Variants in MYOM3 observed in about 807,000 individuals in gnomAD.
The protein encoded by MYOM3 is myomesin 3, also known as myomesin-3.
Under a neutral mutation model 191.7 loss-of-function variants are expected in MYOM3, and 155 were observed. The observed-to-expected ratio is 0.81, with a 90% CI of 0.71 to 0.92. MYOM3 has a LOEUF of 0.92. Ranked by LOEUF, MYOM3 falls within the 40% of genes least tolerant of loss-of-function variation. The pLI is 0.00. For missense variants in MYOM3, 1,889 were observed against 1,890.6 expected, an observed-to-expected ratio of 1.00 and a Z score of 0.02; for synonymous variants, 757 against 762.9, an observed-to-expected ratio of 0.99 and a Z score of 0.13.
intron 4 of MYOM3, among the ~76,000 whole-genome samples, chr1:24,106,613 C>T (rs1643985381): frequency 6.6e-6 from 1 of 152,158 alleles, no homozygotes; most frequent in Non-Finnish European, 1.5e-5. Context: ...GGTGGAGTCT[C>T]ACTCTGTAGC....
chr1:24,084,520 C>T lies in MYOM3; in HGVS notation c.1918G>A (p.Val640Met). The T allele has an allele frequency of 3.7e-6, 6 of 1,614,190 alleles. No homozygotes were observed. Among genetic ancestry groups the T allele is most frequent in the Non-Finnish European group, 5.1e-6 (6 of 1,180,054 alleles). Residue 640 changes from valine to methionine, a missense_variant, in exon 16 of 37, where the codon GTG becomes ATG. Transcript: ENST00000374434. ...LLGYYIYSRK[V>M]GTSEWQTVNN... ...ACTGTTTGCCACTCAGATGTCCCCA[C>T]CTTCCGGGAGTAGATGTAATAACCC...
intron 5 of MYOM3, among the ~76,000 whole-genome samples, chr1:24,102,807 C>T (rs1643948051): frequency 6.6e-6 from 1 of 152,124 alleles, no homozygotes; most frequent in African/African-American, 2.4e-5. Flanking sequence ...GACTGCACCA[C>T]TGCACTCCAG....
At position 24,094,969 on chromosome 1, in the gene MYOM3, A is replaced by G. The variant is rs1274154603; in HGVS notation, c.812T>C (p.Val271Ala). ...TGGCTTCAGCACCGAGGTGAATTCCACGCTGGGGCCAAACGTCGATCCTGG... is the reference window on the plus strand; with the variant it reads ...TGGCTTCAGCACCGAGGTGAATTCCGCGCTGGGGCCAAACGTCGATCCTGG... ...IFKRSTFGPSVEFTSVLKPVF... is the reference protein window; with the variant it reads ...IFKRSTFGPSAEFTSVLKPVF... The change falls in exon 9 of 37, where the codon GTG becomes GCG. Residue 271 changes from valine to alanine, a missense_variant. Transcript: ENST00000374434. The G allele has an allele frequency of 1.2e-6, 2 of 1,613,332 alleles. No homozygotes were observed. The highest frequency in any genetic ancestry group is 2.7e-5 in the African/African-American group (2 of 74,876).
At chr1:24,071,919 TG>T in intron 24 of MYOM3, 49 bp downstream of exon 24, 1 of 1,589,482 alleles carries the variant, frequency 6.3e-7, no homozygotes, top group Non-Finnish European at 8.6e-7. Flanking sequence ...AACATGCCAA[TG>T]GGCCCAGTGG....
chr1:24,066,818 A>G, intron 28 of MYOM3: 1 of 549,568 alleles, frequency 1.8e-6, no homozygotes, highest in South Asian at 2.7e-5. Flanking sequence ...CCTCACACGA[A>G]TCCTACCCCA....
At chr1:24,094,209 T>C (rs1643866648) in intron 9 of MYOM3, among the ~76,000 whole-genome samples, 1 of 143,706 alleles carries the variant, frequency 7.0e-6, no homozygotes, top group Non-Finnish European at 1.5e-5. Flanking sequence ...CTTGCTCTTG[T>C]CCCCCAGGCT....
rs528181110 is a variant in MYOM3 at position 24,067,978 on chromosome 1, C to T, written c.3347G>A (p.Arg1116Lys). 1.9e-6 allele frequency: 3 copies of T among 1,614,074 alleles called. No homozygotes were observed. Among genetic ancestry groups the T allele is most frequent in the Non-Finnish European group, 2.5e-6 (3 of 1,180,008 alleles). ...KADAKRRDWK[R>K]KQGPYFERPL... ...ACCCCAGCAGCTCTTACCCTGTTTT[C>T]TCTTCCAGTCCCTTCTCTTAGCATC... The change falls in exon 27 of 37, where the codon AGA (arginine) becomes AAA (lysine). Residue 1116 changes from arginine (R) to lysine (K), a missense_variant. By Grantham distance (26) the Arg-to-Lys change is conservative (BLOSUM62 2). Coordinates refer to ENST00000374434, the MANE Select transcript of MYOM3 (RefSeq NM_152372.4).
At chr1:24,096,582 G>A (rs1388294847) in intron 7 of MYOM3, among the ~76,000 whole-genome samples, 4 of 152,210 alleles carry the variant, frequency 2.6e-5, no homozygotes, top group Non-Finnish European at 4.4e-5. Flanking sequence ...GAGCTATTTA[G>A]GGAACAGGAC....
chr1:24,109,397 A>G (rs984785137), intron 1 of MYOM3, among the ~76,000 whole-genome samples: 14 of 63,932 alleles, frequency 2.2e-4, no homozygotes, highest in Non-Finnish European at 3.9e-4. Context: ...TAAGTACAAC[A>G]TAAGTATTAG....
chr1:24,094,952 G>C lies in MYOM3; in HGVS notation c.829C>G (p.Leu277Val). 6.2e-7 allele frequency: 1 copy of C among 1,613,956 alleles called. No individual in the cohort carries two copies. The change falls in exon 9 of 37, where the codon CTG becomes GTG. Residue 277 changes from leucine (L) to valine (V), a missense_variant. Physicochemically the swap from Leu to Val is conservative, Grantham distance 32 (BLOSUM62 1). Transcript: ENST00000374434. ...FGPSVEFTSV[L>V]KPVFAREKEP... The stretch of plus-strand genomic sequence containing the variant: ...TTCTCACGAGCAAAGACTGGCTTCA[G>C]CACCGAGGTGAATTCCACGCTGGGG...
At position 24,109,489 on chromosome 1, in the gene MYOM3, C is replaced by G. The variant is rs578005913; in HGVS notation, c.-18-835G>C. On this transcript the variant is annotated intron_variant, in intron 1 of 36. Transcript: ENST00000374434. ...TTTCCCTCTTCTCATTTCTTTTGTA[C>G]TTATTTTCTAGCACTCCACAATTTA... 2.1e-4 allele frequency among the ~76,000 whole-genome samples: 32 copies of G among 152,266 alleles called. 1 individual carries two copies. In the South Asian group the frequency reaches 5.6e-3, roughly 27 times the overall value.
At chr1:24,080,520 C>T (rs911628981) in intron 19 of MYOM3, among the ~76,000 whole-genome samples, 1 of 152,188 alleles carries the variant, frequency 6.6e-6, no homozygotes, top group Non-Finnish European at 1.5e-5. Flanking sequence ...TCTAGTGTAA[C>T]TTCTAGAGTC....
At chr1:24,108,336 T>A in intron 2 of MYOM3, 140 bp downstream of exon 2, 3 of 984,382 alleles carry the variant, frequency 3.0e-6, no homozygotes, top group Non-Finnish European at 4.3e-6. Context: ...GTCTCCCCCC[T>A]CAGACAGGGG....
Position 24,063,384 on chromosome 1 carries a change from A to C in MYOM3, c.3661+108T>G. 2 of 1,454,380 alleles carry C rather than the reference A, an allele frequency of 1.4e-6. No individual in the cohort carries two copies. The highest frequency in any genetic ancestry group is 2.3e-5 in the South Asian group (2 of 87,612). 90.1% of individuals were successfully genotyped at this position (1,454,380 alleles called of 1,614,324 possible). A position where few individuals can be genotyped will look rare whatever the true frequency, so the allele number is the denominator to read the frequency against. On this transcript the variant is annotated intron_variant, in intron 31 of 36. Transcript: ENST00000374434. The surrounding 1 kb of genome is among the most constrained non-coding windows in gnomAD (Gnocchi z 4.5). ...GGCGGGATTTTCTCTTCGGTGTTTG[A>C]GGTTAGAAACTAAACCCACCCCCAA...
intron 16 of MYOM3, 88 bp downstream of exon 16, chr1:24,084,380 C>A (rs753947329): frequency 1.4e-6 from 2 of 1,465,820 alleles, no homozygotes; most frequent in Middle Eastern, 2.0e-4. Flanking sequence ...GCTGATTAAA[C>A]CTCTTTTCTT....
rs1040462311 is a variant in MYOM3 at position 24,111,792 on chromosome 1, A to C, written c.-19+239T>G. 6.6e-6 allele frequency among the ~76,000 whole-genome samples: 1 copy of C among 151,944 alleles called. No individual in the cohort carries two copies. Among genetic ancestry groups the C allele is most frequent in the Non-Finnish European group, 1.5e-5 (1 of 67,960 alleles). ...CATCACAGACAGCTCAGCTCTCAGA[A>C]GACCCAGGGCCACACAGAACAGTGG... On this transcript the variant is annotated intron_variant, in intron 1 of 36. Coordinates refer to ENST00000374434, the MANE Select transcript of MYOM3 (RefSeq NM_152372.4). The surrounding 1 kb of genome is among the most constrained non-coding windows in gnomAD (Gnocchi z 4.7).
intron 27 of MYOM3, among the ~76,000 whole-genome samples, chr1:24,067,583 T>A (rs1643468775): frequency 6.6e-6 from 1 of 151,780 alleles, no homozygotes; most frequent in Non-Finnish European, 1.5e-5. Context: ...TGGCTCAGCC[T>A]CCTGAGTAGC....
At position 24,061,954 on chromosome 1, in the gene MYOM3, G is replaced by A; in HGVS notation, c.3926C>T (p.Ser1309Leu). The A allele has an allele frequency of 6.2e-7, 1 of 1,614,164 alleles. No individual in the cohort carries two copies. The highest frequency in any genetic ancestry group is 8.5e-7 in the Non-Finnish European group (1 of 1,180,018). Reference protein sequence around the residue: ...KEVRQLSTDLSGQAFEDAMAE... With the variant: ...KEVRQLSTDLLGQAFEDAMAE... ...ATAGGTGGATGGCTCACCTTGCCCT[G>A]AGAGATCTGTTGAGAGCTGCCGGAC... Residue 1309 changes from serine (S) to leucine (L), a missense_variant, in exon 33 of 37, where the codon TCA becomes TTA. By Grantham distance (145) the Ser-to-Leu change is moderately radical. Coordinates refer to ENST00000374434, the MANE Select transcript of MYOM3 (RefSeq NM_152372.4).
Position 24,081,356 on chromosome 1 carries a change from C to G in MYOM3, c.2381G>C (p.Cys794Ser). Residue 794 changes from cysteine to serine, a missense_variant, in exon 19 of 37, where the codon TGC becomes TCC. Physicochemically the swap from Cys to Ser is moderately radical, Grantham distance 112. Transcript: ENST00000374434. Reference protein sequence around the residue: ...ELSAPSSLFECKEWTMPQPGP... With the variant: ...ELSAPSSLFESKEWTMPQPGP... ...TGGCTGGGGCATTGTCCACTCTTTG[C>G]ACTCAAACAGGCTGCTGGGTGCCGA... 6.2e-7 allele frequency: 1 copy of G among 1,614,116 alleles called. No homozygotes were observed.
Sources: gnomAD v4.1 joint callset for allele counts (sites outside exome capture counted in the v4.1 genomes callset) on GRCh38, gnomAD v4.1.1 for gene constraint, Gnocchi (gnomAD v3.1) non-coding constraint, MANE v1.5 for transcripts, NCBI Gene and HGNC (gene_info 2026-07-23, HGNC 2026-07-21) for gene names.